The following GABRP variants were observed in gnomAD, a reference collection of about 807,000 sequenced individuals.
The protein encoded by GABRP is gamma-aminobutyric acid type A receptor subunit pi, also known as gamma-aminobutyric acid receptor subunit pi.
Under a neutral mutation model 47.8 loss-of-function variants are expected in GABRP, and 52 were observed. The ratio of observed to expected loss-of-function variants is 1.09; its 90% CI spans 0.87 to 1.37. The LOEUF (loss-of-function observed/expected upper bound fraction) is 1.37, where lower values mean the gene tolerates loss of function less well. GABRP is among the 40% of genes most tolerant of loss of function. The pLI, the probability that GABRP is intolerant of heterozygous loss-of-function variation, is 0.00. For synonymous variants in GABRP, 221 were observed against 205.8 expected (o/e 1.07, Z -0.63); for missense variants, 525 against 542.8 (o/e 0.97, Z 0.33).
chr5:170,791,999 A>G (rs562896546), intron 3 of GABRP, among the ~76,000 whole-genome samples: 4 of 152,310 alleles, frequency 2.6e-5, no homozygotes, highest in Admixed American at 1.3e-4. Context: ...CCCTTTTATC[A>G]TGGCACCAGT....
At chr5:170,810,407 T>C (rs1765851852) in intron 9 of GABRP, among the ~76,000 whole-genome samples, 1 of 152,330 alleles carries the variant, frequency 6.6e-6, no homozygotes, top group South Asian at 2.1e-4. Context: ...TTTTTAAATT[T>C]ATGAAATCTG....
intron 6 of GABRP, among the ~76,000 whole-genome samples, chr5:170,801,766 T>C (rs563175424): frequency 2.0e-5 from 3 of 152,142 alleles, no homozygotes; most frequent in South Asian, 4.2e-4. Flanking sequence ...ATAAAAGTAA[T>C]GCTGCAGTCT....
rs567766391 is a variant in GABRP at position 170,784,796 on chromosome 5, G to A, written c.-43+922G>A. ...CTCTGAGAGGTTAAATGACTCGGGT[G>A]TATCAGGATCCAGAGCTCAAGGTCT... On this transcript the variant is annotated intron_variant, in intron 1 of 9. Transcript: ENST00000265294. 1.1e-3 allele frequency among the ~76,000 whole-genome samples: 161 copies of A among 152,328 alleles called. 1 individual carries two copies. The highest frequency in any genetic ancestry group is 3.6e-3 in the African/African-American group (151 of 41,578).
At chr5:170,790,726 T>A (rs1765241132) in intron 3 of GABRP, among the ~76,000 whole-genome samples, 1 of 152,086 alleles carries the variant, frequency 6.6e-6, no homozygotes, top group Non-Finnish European at 1.5e-5. Context: ...GAGCTACAGG[T>A]GCATTCAGAG....
chr5:170,800,881 G>T (rs1387905715), intron 6 of GABRP, among the ~76,000 whole-genome samples: 1 of 152,202 alleles, frequency 6.6e-6, no homozygotes, highest in Non-Finnish European at 1.5e-5. Flanking sequence ...AGGAGGTGGA[G>T]GTTGCAGTGA....
intron 6 of GABRP, among the ~76,000 whole-genome samples, chr5:170,801,062 TG>T (rs1765576962): frequency 6.6e-6 from 1 of 152,214 alleles, no homozygotes; most frequent in Non-Finnish European, 1.5e-5. Flanking sequence ...CAAACAATCC[TG>T]AGAGATATGT....
At position 170,805,700 on chromosome 5, in the gene GABRP, C is replaced by A. The variant is rs556216691; in HGVS notation, c.542-16C>A. ...GAACACCCTTGCACTGACCAGGGCT[C>A]CATTTTATTTGCCAGGGGGCTATGA... On this transcript the variant is annotated splice_polypyrimidine_tract_variant and intron_variant, in intron 6 of 9. Transcript: ENST00000265294. The A allele has an allele frequency of 5.0e-6, 8 of 1,613,946 alleles. No homozygotes were observed. The highest frequency in any genetic ancestry group is 6.8e-6 in the Non-Finnish European group (8 of 1,179,982).
At chr5:170,794,485 G>A (rs1214236992) in intron 4 of GABRP, 187 bp downstream of exon 4, 1 of 405,538 alleles carries the variant, frequency 2.5e-6, no homozygotes, top group East Asian at 3.6e-5. Flanking sequence ...TTGTAGAGCA[G>A]ATTTTCTGAG....
intron 3 of GABRP, among the ~76,000 whole-genome samples, chr5:170,791,479 T>C (rs1240594396): frequency 2.0e-5 from 3 of 152,228 alleles, no homozygotes; most frequent in African/African-American, 7.2e-5. Flanking sequence ...CAAAGGTTTG[T>C]AAGCAGGCAC....
chr5:170,799,467 G>A lies in GABRP; in HGVS notation c.541+1919G>A, dbSNP rs191562088. Among the ~76,000 whole-genome samples, 57 of 152,214 alleles carry A rather than the reference G, an allele frequency of 3.7e-4. 1 individual carries two copies. The South Asian group carries it at 0.011, about 30-fold the overall frequency. ...GCAGTTTCCTGACTTTTTAATGATT[G>A]CCATTCTAACTGCTATGAGATGATA... On this transcript the variant is annotated intron_variant, in intron 6 of 9. Coordinates refer to ENST00000265294, the MANE Select transcript of GABRP (RefSeq NM_014211.3).
chr5:170,789,024 G>A (rs567008907), intron 2 of GABRP, 105 bp from the exon 3 acceptor site: 5 of 826,420 alleles, frequency 6.1e-6, no homozygotes, highest in African/African-American at 1.7e-5. Flanking sequence ...CATGGGCAAG[G>A]CACATACACC....
chr5:170,789,382 G>A, intron 3 of GABRP, 135 bp downstream of exon 3: 1 of 613,372 alleles, frequency 1.6e-6, no homozygotes, highest in Non-Finnish European at 2.9e-6. Flanking sequence ...AATGATGGAT[G>A]AGGATGGCTA....
intron 8 of GABRP, 69 bp downstream of exon 8, chr5:170,808,821 A>C: frequency 7.4e-7 from 1 of 1,345,270 alleles, no homozygotes; most frequent in African/African-American, 1.5e-5. Flanking sequence ...TCCTTTTACC[A>C]TTGTCTTCAT....
At chr5:170,795,102 A>G (rs1765388724) in intron 4 of GABRP, 106 bp from the exon 5 acceptor site, 2 of 779,942 alleles carry the variant, frequency 2.6e-6, no homozygotes, top group South Asian at 2.9e-5. Context: ...TTCTTGCTCT[A>G]AGTGGAGGTG....
At chr5:170,804,404 T>C (rs1765674095) in intron 6 of GABRP, among the ~76,000 whole-genome samples, 1 of 152,152 alleles carries the variant, frequency 6.6e-6, no homozygotes, top group Non-Finnish European at 1.5e-5. Context: ...GGTCAAATGG[T>C]AAATATATAT....
chr5:170,806,872 T>TTC (rs1477818333), intron 7 of GABRP, among the ~76,000 whole-genome samples: 3 of 152,206 alleles, frequency 2.0e-5, no homozygotes, highest in Non-Finnish European at 2.9e-5. Flanking sequence ...AGATGATTTT[T>TTC]TCTCTCTACT....
intron 1 of GABRP, among the ~76,000 whole-genome samples, chr5:170,784,328 A>G (rs1219123090): frequency 6.6e-6 from 1 of 152,010 alleles, no homozygotes; most frequent in African/African-American, 2.4e-5. Context: ...TTTACATGGT[A>G]GAAATTCTGG....
intron 8 of GABRP, 133 bp from the exon 9 acceptor site, chr5:170,809,435 T>C (rs1485113935): frequency 1.8e-5 from 15 of 815,928 alleles, no homozygotes; most frequent in Non-Finnish European, 3.1e-5. Context: ...GTCGCAGACT[T>C]TTCAAAATGA....
At position 170,808,637 on chromosome 5, in the gene GABRP, G is replaced by A; in HGVS notation, c.717G>A (p.Arg239=). The part of the protein sequence containing the change: ...YTRLVLQFEL[R]RNVLYFILET... ...GATTGGTCTTACAGTTTGAGCTTCGGAGGAATGTTCTGTATTTCATTTTGG... is the reference window on the plus strand; with the variant it reads ...GATTGGTCTTACAGTTTGAGCTTCGAAGGAATGTTCTGTATTTCATTTTGG... Residue 239 remains arginine (R), a synonymous_variant, in exon 8 of 10, where the codon CGG becomes CGA. Transcript: ENST00000265294. The A allele has an allele frequency of 6.2e-7, 1 of 1,613,980 alleles. No homozygotes were observed. Among genetic ancestry groups the A allele is most frequent in the Non-Finnish European group, 8.5e-7 (1 of 1,179,934 alleles).
Sources: allele counts gnomAD v4.1 joint callset (sites outside exome capture counted in the v4.1 genomes callset), GRCh38; gene constraint gnomAD v4.1.1; transcripts MANE v1.5; gene names NCBI Gene and HGNC (gene_info 2026-07-23, HGNC 2026-07-21).